The following CEP170 variants were observed in gnomAD, a reference collection of about 807,000 sequenced individuals.
The protein encoded by CEP170 is centrosomal protein 170, also known as centrosomal protein of 170 kDa.
A neutral mutation model predicts 151.9 loss-of-function variants in CEP170; 21 were observed. The ratio of observed to expected loss-of-function variants is 0.14; its 90% CI spans 0.10 to 0.20. The LOEUF is 0.20. Among genes scored for constraint, CEP170 ranks in the 10% least tolerant of loss-of-function variants. The pLI, the probability that CEP170 is intolerant of heterozygous loss-of-function variation, is 1.00. For missense variants in CEP170, 964 were observed against 1,892.9 expected (o/e 0.51, Z 9.11); for synonymous variants, 356 against 648.8 (o/e 0.55, Z 6.86).
chr1:243,172,121 C>A (rs2058890346), intron 11 of CEP170, among the ~76,000 whole-genome samples: 1 of 151,986 alleles, frequency 6.6e-6, no homozygotes, highest in Non-Finnish European at 1.5e-5. Context: ...TCTCATAATG[C>A]CAATCAGAAC....
At chr1:243,152,617 T>C (rs1313943842) in intron 14 of CEP170, among the ~76,000 whole-genome samples, 1 of 133,452 alleles carries the variant, frequency 7.5e-6, no homozygotes, top group African/African-American at 2.8e-5. Context: ...CTGCAACCTC[T>C]GCCTCCCGGA....
chr1:243,229,969 T>C (rs1026402437), intron 1 of CEP170, among the ~76,000 whole-genome samples: 1 of 152,182 alleles, frequency 6.6e-6, no homozygotes. Flanking sequence ...AAACAGATCA[T>C]CACTTTAACC....
intron 10 of CEP170, among the ~76,000 whole-genome samples, chr1:243,176,531 C>G (rs567675622): frequency 6.8e-6 from 1 of 147,612 alleles, no homozygotes; most frequent in African/African-American, 2.5e-5. Flanking sequence ...GCCTTTAGGT[C>G]TGGGGTAAGA....
intron 4 of CEP170, among the ~76,000 whole-genome samples, chr1:243,201,600 C>A (rs1201083047): frequency 5.9e-5 from 9 of 152,156 alleles, no homozygotes; most frequent in Non-Finnish European, 1.3e-4. Context: ...CAGTTCAGAG[C>A]ACTCATGACT....
intron 12 of CEP170, chr1:243,169,138 AAG>A (rs1437159267): frequency 6.4e-6 from 1 of 155,854 alleles, no homozygotes; most frequent in Non-Finnish European, 1.4e-5. Flanking sequence ...ATCATATCTT[AAG>A]ATATCAGCAT....
intron 1 of CEP170, among the ~76,000 whole-genome samples, chr1:243,247,064 T>C (rs1404622009): frequency 2.0e-5 from 3 of 152,138 alleles, no homozygotes; most frequent in African/African-American, 7.2e-5. Context: ...CTCAAATCAG[T>C]TTCTAGCTGG....
Position 243,164,643 on chromosome 1 carries a change from G to T in CEP170, c.3317C>A (p.Ala1106Glu), listed in dbSNP as rs1469942391. Residue 1106 changes from alanine to glutamate, a missense_variant, in exon 13 of 20, where the codon GCA becomes GAA. Coordinates refer to ENST00000366542, the MANE Select transcript of CEP170 (RefSeq NM_014812.3). ...ACTGTCTGAAGCTTCACCAAGTCGT[G>T]CTCTGCGCAAGAGGGAAGTCCTGGT... is the stretch of plus-strand genomic sequence containing the variant. The part of the protein sequence containing the change: ...RPTRTSLLRR[A>E]RLGEASDSEL... 1 of 1,613,802 alleles carries T rather than the reference G, an allele frequency of 6.2e-7. No individual in the cohort carries two copies. Among genetic ancestry groups the T allele is most frequent in the East Asian group, 2.2e-5 (1 of 44,892 alleles).
chr1:243,251,155 G>A (rs1210659745), intron 1 of CEP170, among the ~76,000 whole-genome samples: 1 of 152,210 alleles, frequency 6.6e-6, no homozygotes, highest in Non-Finnish European at 1.5e-5. Context: ...CTCAATTTAA[G>A]TGAGATCTTC....
At chr1:243,181,734 T>C (rs77051888) in intron 10 of CEP170, among the ~76,000 whole-genome samples, 6,896 of 152,290 alleles carry the variant, frequency 0.045, 241 homozygotes, top group Non-Finnish European at 0.066. Context: ...TGTCATGTGA[T>C]ACTGTTGCTT....
chr1:243,167,428 C>CT (rs1239413904), intron 12 of CEP170, among the ~76,000 whole-genome samples: 1 of 150,060 alleles, frequency 6.7e-6, no homozygotes, highest in South Asian at 2.1e-4. Flanking sequence ...AAATCCCTTT[C>CT]TTTTTTTTCA....
intron 10 of CEP170, among the ~76,000 whole-genome samples, chr1:243,182,643 G>A (rs1260497157): frequency 6.6e-6 from 1 of 152,126 alleles, no homozygotes; most frequent in Non-Finnish European, 1.5e-5. Flanking sequence ...TCAATATCGA[G>A]TCCAATCTCA....
chr1:243,159,763 T>TGTGTG (rs2057892319), intron 13 of CEP170, among the ~76,000 whole-genome samples: 2 of 127,076 alleles, frequency 1.6e-5, no homozygotes, highest in South Asian at 3.1e-4. Flanking sequence ...GTTTCCGGTT[T>TGTGTG]TGTGTGTGTG....
At chr1:243,218,757 T>G (rs2148963961) in intron 3 of CEP170, among the ~76,000 whole-genome samples, 1 of 152,336 alleles carries the variant, frequency 6.6e-6, no homozygotes, top group Admixed American at 6.5e-5. Flanking sequence ...TACTATGTAC[T>G]GTTGTTTAAA....
At chr1:243,217,539 G>A (rs1442075494) in intron 3 of CEP170, among the ~76,000 whole-genome samples, 4 of 152,158 alleles carry the variant, frequency 2.6e-5, no homozygotes, top group Admixed American at 2.6e-4. Context: ...TTAACATGCT[G>A]CCATTTATGA....
At chr1:243,140,411 AAGCTG>A (rs2055697565) in intron 15 of CEP170, 1 of 225,114 alleles carries the variant, frequency 4.4e-6, no homozygotes, top group African/African-American at 2.3e-5. Flanking sequence ...AATAGAAAAA[AAGCTG>A]AGCCATGTAG....
intron 17 of CEP170, among the ~76,000 whole-genome samples, chr1:243,133,794 CAT>C (rs1466451075): frequency 6.6e-6 from 1 of 152,140 alleles, no homozygotes; most frequent in Non-Finnish European, 1.5e-5. Flanking sequence ...TAGGGGAAAA[CAT>C]GTACTATATC....
At chr1:243,192,540 T>C (rs1012539549) in intron 7 of CEP170, among the ~76,000 whole-genome samples, 1 of 152,170 alleles carries the variant, frequency 6.6e-6, no homozygotes, top group Admixed American at 6.5e-5. Context: ...GAGACATATT[T>C]CCCTAAAGCT....
intron 8 of CEP170, among the ~76,000 whole-genome samples, chr1:243,189,895 T>C (rs566113824): frequency 1.2e-4 from 19 of 152,222 alleles, no homozygotes; most frequent in Admixed American, 2.6e-4. Context: ...GTCTCAAAAA[T>C]ACATATGCCA....
intron 1 of CEP170, among the ~76,000 whole-genome samples, chr1:243,229,649 C>A (rs1260513443): frequency 6.6e-6 from 1 of 152,154 alleles, no homozygotes; most frequent in African/African-American, 2.4e-5. Flanking sequence ...TTCCTGGAGC[C>A]AGGGTACACA....
Sources: gnomAD v4.1 joint callset for allele counts (sites outside exome capture counted in the v4.1 genomes callset) on GRCh38, gnomAD v4.1.1 for gene constraint, MANE v1.5 for transcripts, NCBI Gene and HGNC (gene_info 2026-07-23, HGNC 2026-07-21) for gene names.